CDH8: variants seen among roughly 807,000 people sequenced by gnomAD.
CDH8 encodes the protein cadherin 8.
Under a neutral mutation model 68.1 loss-of-function variants are expected in CDH8, and 17 were observed. The observed-to-expected ratio is 0.25, with a 90% confidence interval of 0.17 to 0.37. The LOEUF (loss-of-function observed/expected upper bound fraction) is 0.37. Among genes scored for constraint, CDH8 ranks in the 10% least tolerant of loss-of-function variants. The pLI, the probability that CDH8 is intolerant of heterozygous loss-of-function variation, is 1.00. For missense variants in CDH8, 763 were observed against 999.3 expected, an observed-to-expected ratio of 0.76 and a Z score of 3.19; for synonymous variants, 372 against 365.1, an observed-to-expected ratio of 1.02 and a Z score of -0.21.
intron 4 of CDH8, among the ~76,000 whole-genome samples, chr16:61,854,037 C>G (rs978289523): frequency 4.0e-5 from 6 of 151,582 alleles, no homozygotes; most frequent in African/African-American, 1.5e-4. Flanking sequence ...CACATATTTA[C>G]ATACACATGT....
intron 2 of CDH8, among the ~76,000 whole-genome samples, chr16:61,968,747 G>T (rs996106614): frequency 6.6e-6 from 1 of 152,176 alleles, no homozygotes; most frequent in East Asian, 1.9e-4. Context: ...GTTGGCCCAG[G>T]CCCCCACAGC....
chr16:61,870,798 G>C (rs1430512369), intron 3 of CDH8, among the ~76,000 whole-genome samples: 2 of 151,956 alleles, frequency 1.3e-5, no homozygotes, highest in Non-Finnish European at 2.9e-5. Context: ...CACATAATTT[G>C]AATCTCCCTT....
chr16:61,675,591 A>G (rs1332747155), intron 10 of CDH8, among the ~76,000 whole-genome samples: 1 of 140,990 alleles, frequency 7.1e-6, no homozygotes, highest in Non-Finnish European at 1.5e-5. Context: ...CTAAAACTTA[A>G]AGTATAATAA....
chr16:61,988,959 G>T (rs1965672274), intron 2 of CDH8, among the ~76,000 whole-genome samples: 1 of 151,970 alleles, frequency 6.6e-6, no homozygotes, highest in Admixed American at 6.6e-5. Context: ...GGCTTTTTTG[G>T]CAAGAAAAAA....
At chr16:61,817,275 A>T (rs1033354315) in intron 7 of CDH8, among the ~76,000 whole-genome samples, 2 of 151,762 alleles carry the variant, frequency 1.3e-5, no homozygotes, top group Admixed American at 6.6e-5. Context: ...TCTGGGCTCT[A>T]TGTAGCACTT....
intron 9 of CDH8, among the ~76,000 whole-genome samples, chr16:61,715,980 G>T (rs1964723345): frequency 6.6e-6 from 1 of 151,654 alleles, no homozygotes; most frequent in South Asian, 2.1e-4. Context: ...GAAAAACATT[G>T]CTTGTGAGCA....
chr16:61,672,689 T>C (rs1308089784), intron 10 of CDH8, among the ~76,000 whole-genome samples: 1 of 152,048 alleles, frequency 6.6e-6, no homozygotes, highest in Non-Finnish European at 1.5e-5. Flanking sequence ...TTTCATACTT[T>C]ATAATAAATT....
At chr16:61,746,556 A>AACAC (rs71675273) in intron 8 of CDH8, among the ~76,000 whole-genome samples, 8,476 of 140,116 alleles carry the variant, frequency 0.06, 285 homozygotes, top group African/African-American at 0.082. Context: ...ATTCCCCCCC[A>AACAC]ACACACACAC....
intron 2 of CDH8, among the ~76,000 whole-genome samples, chr16:61,994,405 T>C (rs927126484): frequency 6.6e-6 from 1 of 152,188 alleles, no homozygotes; most frequent in Non-Finnish European, 1.5e-5. Flanking sequence ...CTTGATTGTC[T>C]CCTCTAATTG....
At chr16:62,012,906 C>A (rs1485476519) in intron 2 of CDH8, among the ~76,000 whole-genome samples, 1 of 152,084 alleles carries the variant, frequency 6.6e-6, no homozygotes, top group Non-Finnish European at 1.5e-5. Context: ...CTGGGGAAAT[C>A]TCCACATCAA....
At chr16:61,740,530 C>T (rs1215585684) in intron 8 of CDH8, among the ~76,000 whole-genome samples, 1 of 152,018 alleles carries the variant, frequency 6.6e-6, no homozygotes, top group Non-Finnish European at 1.5e-5. Flanking sequence ...AGCCAATACC[C>T]CAGAAGCCTT....
chr16:61,727,299 C>G, intron 8 of CDH8, 84 bp from the exon 9 acceptor site: 1 of 1,342,688 alleles, frequency 7.4e-7, no homozygotes, highest in Non-Finnish European at 1.0e-6. Context: ...GCATGTGTGT[C>G]TGTTTCCAAC....
chr16:61,720,354 C>T (rs891456321), intron 9 of CDH8, among the ~76,000 whole-genome samples: 1 of 150,942 alleles, frequency 6.6e-6, no homozygotes. Context: ...CTTTTATGAA[C>T]AAATGGAAAC....
At chr16:61,663,744 T>A (rs918384963) in intron 10 of CDH8, among the ~76,000 whole-genome samples, 1 of 152,064 alleles carries the variant, frequency 6.6e-6, no homozygotes. Context: ...ACTACCTATC[T>A]ATCCATCTCT....
intron 7 of CDH8, among the ~76,000 whole-genome samples, chr16:61,791,493 T>G (rs1961379434): frequency 6.6e-6 from 1 of 152,054 alleles, no homozygotes; most frequent in South Asian, 2.1e-4. Context: ...GTCCAGAGGA[T>G]TAATTATCAC....
intron 8 of CDH8, among the ~76,000 whole-genome samples, chr16:61,760,295 A>C: frequency 6.6e-6 from 1 of 150,846 alleles, no homozygotes; most frequent in East Asian, 2.0e-4. Flanking sequence ...TTATTTATTT[A>C]TTTATTTATT....
intron 8 of CDH8, among the ~76,000 whole-genome samples, chr16:61,782,944 C>T (rs977193949): frequency 1.8e-4 from 28 of 151,928 alleles, no homozygotes; most frequent in African/African-American, 6.0e-4. Context: ...TGTACATCAC[C>T]ATCATCAAAG....
chr16:61,996,718 T>A (rs993774463), intron 2 of CDH8, among the ~76,000 whole-genome samples: 6 of 152,210 alleles, frequency 3.9e-5, no homozygotes, highest in African/African-American at 1.4e-4. Flanking sequence ...ATTACATCTC[T>A]GATTAGGTCT....
At chr16:62,000,207 AG>A (rs1419627627) in intron 2 of CDH8, among the ~76,000 whole-genome samples, 3 of 152,168 alleles carry the variant, frequency 2.0e-5, no homozygotes, top group African/African-American at 7.2e-5. Context: ...ATCATTGATA[AG>A]CATTTGGGTT....
Sources: gnomAD v4.1 joint callset for allele counts (sites outside exome capture counted in the v4.1 genomes callset) on GRCh38, gnomAD v4.1.1 for gene constraint, MANE v1.5 for transcripts, NCBI Gene and HGNC (gene_info 2026-07-23, HGNC 2026-07-21) for gene names.